GPHN: variants seen among roughly 807,000 people sequenced by gnomAD.
GPHN encodes gephyrin.
In GPHN, 17 loss-of-function variants were observed where a neutral mutation model predicts 95.5. The observed-to-expected ratio is 0.18, with a 90% CI of 0.12 to 0.27. GPHN has a LOEUF of 0.27. GPHN is among the 10% of genes least tolerant of loss of function. GPHN has a pLI of 1.00. For missense variants in GPHN, 660 were observed against 978.1 expected (o/e 0.67, Z 4.34); for synonymous variants, 320 against 322.5 (o/e 0.99, Z 0.08).
intron 1 of GPHN, among the ~76,000 whole-genome samples, chr14:66,676,316 A>G (rs2066584222): frequency 1.3e-5 from 2 of 152,018 alleles, no homozygotes; most frequent in African/African-American, 2.4e-5. Flanking sequence ...TTTGTGGCCT[A>G]ATTTTTCTTA....
At chr14:67,200,546 T>C in the GPHN span, 1 of 237,226 alleles carries the variant, frequency 4.2e-6, no homozygotes, top group Non-Finnish European at 7.9e-6. Flanking sequence ...ACTAAACTCC[T>C]TGTTTAAAAA....
the GPHN span, among the ~76,000 whole-genome samples, chr14:67,464,513 C>T: frequency 9.2e-5 from 14 of 152,266 alleles, no homozygotes; most frequent in South Asian, 2.1e-4. Flanking sequence ...TCCTCACCCT[C>T]GCCCCCACCA....
At chr14:67,205,392 G>T in the GPHN span, among the ~76,000 whole-genome samples, 2 of 152,096 alleles carry the variant, frequency 1.3e-5, no homozygotes, top group Admixed American at 6.5e-5. Flanking sequence ...CATATTACTT[G>T]TGTGACTTCA....
At chr14:67,002,250 A>G (rs1399859506) in intron 9 of GPHN, among the ~76,000 whole-genome samples, 2 of 150,056 alleles carry the variant, frequency 1.3e-5, no homozygotes, top group African/African-American at 4.9e-5. Context: ...GTACTTCTTG[A>G]AGTCATTTGT....
chr14:67,624,579 C>T, the GPHN span, among the ~76,000 whole-genome samples: 7 of 152,180 alleles, frequency 4.6e-5, no homozygotes, highest in Admixed American at 2.6e-4. Context: ...CACTTTTAAC[C>T]GGATCTCATG....
chr14:67,375,631 T>A, the GPHN span, among the ~76,000 whole-genome samples: 1 of 152,182 alleles, frequency 6.6e-6, no homozygotes, highest in Non-Finnish European at 1.5e-5. Flanking sequence ...CCCAAATCAT[T>A]TCCTTTGTTT....
At chr14:66,528,462 C>A (rs577926518) in intron 1 of GPHN, among the ~76,000 whole-genome samples, 1 of 152,078 alleles carries the variant, frequency 6.6e-6, no homozygotes, top group East Asian at 1.9e-4. Context: ...GCCCATTTAC[C>A]TTTAAGGTAA....
the GPHN span, among the ~76,000 whole-genome samples, chr14:67,465,502 T>C: frequency 6.6e-6 from 1 of 152,218 alleles, no homozygotes; most frequent in Non-Finnish European, 1.5e-5. Context: ...AGTGAAATGG[T>C]CAGATCTGCA....
chr14:67,437,918 C>T, the GPHN span, among the ~76,000 whole-genome samples: 5 of 152,058 alleles, frequency 3.3e-5, no homozygotes, highest in Non-Finnish European at 5.9e-5. Flanking sequence ...TATTTATGTG[C>T]CTTTCCTATC....
chr14:66,944,795 C>T (rs2067645803), intron 8 of GPHN, among the ~76,000 whole-genome samples: 1 of 152,256 alleles, frequency 6.6e-6, no homozygotes, highest in Non-Finnish European at 1.5e-5. Context: ...AGTGAAACCC[C>T]TTTCCCTGGG....
chr14:66,698,750 A>G (rs2068293995), intron 2 of GPHN, among the ~76,000 whole-genome samples: 1 of 152,224 alleles, frequency 6.6e-6, no homozygotes, highest in Non-Finnish European at 1.5e-5. Context: ...GGATTGTTCC[A>G]GGACCTCTGC....
At chr14:66,561,973 G>A (rs1252901127) in intron 1 of GPHN, among the ~76,000 whole-genome samples, 1 of 151,990 alleles carries the variant, frequency 6.6e-6, no homozygotes, top group Non-Finnish European at 1.5e-5. Flanking sequence ...CAACAATGAT[G>A]GGTTGAGTCC....
At chr14:66,869,369 C>G in intron 4 of GPHN, among the ~76,000 whole-genome samples, 1 of 152,264 alleles carries the variant, frequency 6.6e-6, no homozygotes, top group Middle Eastern at 3.4e-3. Context: ...AGGTATCTTT[C>G]TCTTGTTATA....
intron 1 of GPHN, among the ~76,000 whole-genome samples, chr14:66,524,360 T>C (rs930686518): frequency 2.6e-5 from 4 of 152,032 alleles, no homozygotes; most frequent in Non-Finnish European, 4.4e-5. Flanking sequence ...ATTTGGGGCA[T>C]AAGGGAAATA....
intron 1 of GPHN, among the ~76,000 whole-genome samples, chr14:66,537,053 A>G (rs1012721600): frequency 2.6e-5 from 4 of 152,094 alleles, no homozygotes; most frequent in Non-Finnish European, 5.9e-5. Flanking sequence ...TTCTATTAAT[A>G]TAGTCACTCT....
the GPHN span, chr14:67,390,578 C>A: frequency 1.0e-6 from 1 of 968,230 alleles, no homozygotes; most frequent in Admixed American, 1.7e-5. Context: ...GGCAGGATAT[C>A]CAGCCAGCTG....
intron 1 of GPHN, among the ~76,000 whole-genome samples, chr14:66,575,172 A>G (rs532145727): frequency 1.3e-4 from 20 of 152,250 alleles, no homozygotes; most frequent in Middle Eastern, 3.4e-3. Flanking sequence ...TCTCTCCTTT[A>G]TTCCTGAAGG....
intron 9 of GPHN, among the ~76,000 whole-genome samples, chr14:67,021,200 T>G (rs1284348805): frequency 6.6e-6 from 1 of 152,082 alleles, no homozygotes; most frequent in Non-Finnish European, 1.5e-5. Flanking sequence ...CAGTGGTGTA[T>G]AGGTTGATTG....
intron 1 of GPHN, among the ~76,000 whole-genome samples, chr14:66,647,005 T>TCTTTCCAC (rs1363611196): frequency 6.6e-6 from 1 of 151,594 alleles, no homozygotes; most frequent in Non-Finnish European, 1.5e-5. Context: ...GAAGCAATCC[T>TCTTTCCAC]CTTTCCACAG....
Sources: gnomAD v4.1 joint callset for allele counts (sites outside exome capture counted in the v4.1 genomes callset) on GRCh38, gnomAD v4.1.1 for gene constraint, MANE v1.5 for transcripts, NCBI Gene and HGNC (gene_info 2026-07-23, HGNC 2026-07-21) for gene names.